FILIP1L: variants seen among roughly 807,000 people sequenced by gnomAD.
FILIP1L encodes filamin A interacting protein 1 like.
Under a neutral mutation model 96.6 loss-of-function variants are expected in FILIP1L, and 55 were observed. That is an observed-to-expected ratio of 0.57 (90% CI 0.46 to 0.71). The LOEUF is 0.71. Among genes scored for constraint, FILIP1L ranks in the 30% least tolerant of loss-of-function variants. The probability of loss-of-function intolerance (pLI) is 0.00; values close to 1 mark genes in which losing one functional copy is unlikely to be tolerated. For synonymous variants in FILIP1L, 467 were observed against 473.9 expected (o/e 0.99, Z 0.19); for missense variants, 1,304 against 1,321.2 (o/e 0.99, Z 0.20).
In FILIP1L at chr3:99,845,000, T is replaced by C. The variant is rs540604437; in HGVS notation, c.3381+3295A>G. ...ATAAATTACCCAGTCTCAGGTATTCTTTATAGCAGTATAAAAATGGACTAA... is the reference window on the plus strand; with the variant it reads ...ATAAATTACCCAGTCTCAGGTATTCCTTATAGCAGTATAAAAATGGACTAA... On this transcript the variant is annotated intron_variant, in intron 5 of 5. Transcript: ENST00000477258. 2.2e-4 allele frequency among the ~76,000 whole-genome samples: 33 copies of C among 152,338 alleles called. No homozygotes were observed. In the South Asian group the frequency reaches 3.1e-3, roughly 14 times the overall value.
chr3:99,991,983 T>TGTATATATAC (rs1307742198), intron 1 of FILIP1L, among the ~76,000 whole-genome samples: 2 of 150,164 alleles, frequency 1.3e-5, no homozygotes, highest in East Asian at 3.9e-4. Flanking sequence ...CACATATATG[T>TGTATATATAC]GTATATATAC....
intron 1 of FILIP1L, among the ~76,000 whole-genome samples, chr3:99,961,120 A>G (rs1168249644): frequency 6.6e-6 from 1 of 152,214 alleles, no homozygotes; most frequent in South Asian, 2.1e-4. Flanking sequence ...AATGCAATAA[A>G]TCTAAAGTTG....
chr3:99,940,252 A>G (rs1211719828), intron 1 of FILIP1L, among the ~76,000 whole-genome samples: 1 of 152,266 alleles, frequency 6.6e-6, no homozygotes, highest in Admixed American at 6.5e-5. Context: ...ATTTTTATGT[A>G]GTCCAAGTTA....
At chr3:100,070,869 G>A (rs1276419169) in intron 1 of FILIP1L, among the ~76,000 whole-genome samples, 2 of 152,150 alleles carry the variant, frequency 1.3e-5, no homozygotes, top group East Asian at 1.9e-4. Context: ...GACTTCAGGC[G>A]ATCTGCCTGC....
At position 99,850,191 on chromosome 3, in the gene FILIP1L, T is replaced by G; in HGVS notation, c.1485A>C (p.Thr495=). Residue 495 remains threonine, a synonymous_variant, in exon 5 of 6, where the codon ACA becomes ACC. Coordinates refer to ENST00000477258, the MANE Select transcript of FILIP1L (RefSeq NM_001387850.1). ...GTTCATCTACAAACATCACAGTTAA[T>G]GTTTTCAGTTTAGTTAAATCCTCTT... is the stretch of plus-strand genomic sequence containing the variant. ...TLKEDLTKLK[T]LTVMFVDERK... 1.2e-6 allele frequency: 2 copies of G among 1,612,448 alleles called. No individual in the cohort carries two copies. Among genetic ancestry groups the G allele is most frequent in the Non-Finnish European group, 1.7e-6 (2 of 1,179,850 alleles).
rs1253476634 is a variant in FILIP1L, at chr3:99,830,597, C to T, written c.3390G>A (p.Glu1130=). Residue 1130 remains glutamate (E), a synonymous_variant, in exon 6 of 6, where the codon GAG becomes GAA. Coordinates refer to ENST00000477258, the MANE Select transcript of FILIP1L (RefSeq NM_001387850.1). ...GTGCTGGGATTCTCTGCTTGCATAC[C>T]TCCTTGATCTTGAATTAAACAAGAG... is the stretch of plus-strand genomic sequence containing the variant. ...LPRQSQITIK[E]VCKQRIPARI... is the part of the protein sequence containing the mutation. 3 of 456,390 alleles carry T rather than the reference C, an allele frequency of 6.6e-6. No individual in the cohort carries two copies. The highest frequency in any genetic ancestry group is 1.3e-5 in the Non-Finnish European group (3 of 226,886). 28.3% of individuals were successfully genotyped at this position (456,390 alleles called of 1,614,324 possible).
At chr3:100,005,603 T>A (rs575115010) in intron 1 of FILIP1L, among the ~76,000 whole-genome samples, 2 of 152,362 alleles carry the variant, frequency 1.3e-5, no homozygotes, top group South Asian at 4.1e-4. Context: ...ATTCCAATGA[T>A]TCTAAAGTTA....
chr3:99,859,429 G>A (rs750439532), intron 4 of FILIP1L, among the ~76,000 whole-genome samples: 1 of 152,200 alleles, frequency 6.6e-6, no homozygotes, highest in Non-Finnish European at 1.5e-5. Flanking sequence ...TCCTAAGTAT[G>A]TAACTTCATT....
chr3:100,022,170 C>T (rs1465055953), intron 1 of FILIP1L, among the ~76,000 whole-genome samples: 1 of 152,152 alleles, frequency 6.6e-6, no homozygotes, highest in African/African-American at 2.4e-5. Context: ...TGTTGAGTCT[C>T]TTGGGAATCC....
chr3:99,980,899 C>T (rs551434229), intron 1 of FILIP1L, among the ~76,000 whole-genome samples: 163 of 152,220 alleles, frequency 1.1e-3, no homozygotes, highest in South Asian at 5.4e-3. Flanking sequence ...AGGTTTGAAT[C>T]GGGTACTTGA....
intron 1 of FILIP1L, among the ~76,000 whole-genome samples, chr3:100,033,489 A>C (rs1489899917): frequency 6.6e-6 from 1 of 152,166 alleles, no homozygotes; most frequent in East Asian, 1.9e-4. Context: ...AACATTGTAA[A>C]ACTTAAGCAA....
intron 1 of FILIP1L, among the ~76,000 whole-genome samples, chr3:100,053,384 C>T (rs540023835): frequency 6.6e-6 from 1 of 152,270 alleles, no homozygotes; most frequent in South Asian, 2.1e-4. Flanking sequence ...CTGGTGCTTG[C>T]CAACAGTCCT....
chr3:99,948,762 G>GAAGGAAAGAAAAAGAGA lies in FILIP1L; in HGVS notation c.-10-17749_-10-17733dup, dbSNP rs376257939. Among the ~76,000 whole-genome samples the GAAGGAAAGAAAAAGAGA allele has an allele frequency of 4.2e-3, 630 of 151,532 alleles. 6 individuals carry two copies. Among genetic ancestry groups the GAAGGAAAGAAAAAGAGA allele is most frequent in the African/African-American group, 0.015 (617 of 41,234 alleles). ...GAAAGGAAAAAAGAGGAAAAGGAAGGAAGGAAAGAAAAAGAGAAAGGAAAG... is the reference window on the plus strand; with the variant it reads ...GAAAGGAAAAAAGAGGAAAAGGAAGGAAGGAAAGAAAAAGAGAAAGGAAAGAAAAAGAGAAAGGAAAG... On this transcript the variant is annotated intron_variant, in intron 1 of 5. Coordinates refer to ENST00000477258, the MANE Select transcript of FILIP1L (RefSeq NM_001387850.1).
At chr3:99,842,578 A>G (rs1943183995) in intron 5 of FILIP1L, among the ~76,000 whole-genome samples, 1 of 152,050 alleles carries the variant, frequency 6.6e-6, no homozygotes, top group Non-Finnish European at 1.5e-5. Flanking sequence ...ATGAGGAGGA[A>G]GAAGAACTCA....
intron 5 of FILIP1L, among the ~76,000 whole-genome samples, chr3:99,845,608 A>G (rs571066100): frequency 6.6e-6 from 1 of 152,176 alleles, no homozygotes; most frequent in Non-Finnish European, 1.5e-5. Context: ...TAATCTTCCA[A>G]TCTCTTTCTC....
chr3:99,924,621 C>T (rs995389481), intron 3 of FILIP1L, among the ~76,000 whole-genome samples: 5 of 152,166 alleles, frequency 3.3e-5, no homozygotes, highest in Admixed American at 1.3e-4. Flanking sequence ...CGGGTTTAAG[C>T]GATCCTTCTG....
At chr3:99,866,444 T>A (rs1368281414) in intron 4 of FILIP1L, among the ~76,000 whole-genome samples, 1 of 152,152 alleles carries the variant, frequency 6.6e-6, no homozygotes, top group Non-Finnish European at 1.5e-5. Context: ...TGTTTTACTG[T>A]GACTACTGAA....
chr3:99,886,143 A>G (rs1705888550), intron 4 of FILIP1L, among the ~76,000 whole-genome samples: 1 of 152,254 alleles, frequency 6.6e-6, no homozygotes. Context: ...GAGATGATTT[A>G]TAGATATAGA....
chr3:99,939,739 C>G (rs1707799022), intron 1 of FILIP1L, among the ~76,000 whole-genome samples: 2 of 152,100 alleles, frequency 1.3e-5, no homozygotes, highest in South Asian at 2.1e-4. Context: ...GTAATGATAC[C>G]TTTCACATGC....
Sources: gnomAD v4.1 joint callset for allele counts (sites outside exome capture counted in the v4.1 genomes callset) on GRCh38, gnomAD v4.1.1 for gene constraint, MANE v1.5 for transcripts, NCBI Gene and HGNC (gene_info 2026-07-23, HGNC 2026-07-21) for gene names.